RABGEF1: variants seen among roughly 807,000 people sequenced by gnomAD.
RABGEF1 encodes rab5 GDP/GTP exchange factor.
Under a neutral mutation model 57.3 loss-of-function variants are expected in RABGEF1, and 26 were observed. That is an observed-to-expected ratio of 0.45 (90% CI 0.33 to 0.63). The LOEUF is 0.63. Ranked by LOEUF, RABGEF1 falls within the 20% of genes least tolerant of loss-of-function variation. The probability of loss-of-function intolerance (pLI) is 0.02; values close to 1 mark genes in which losing one functional copy is unlikely to be tolerated. For missense variants in RABGEF1, 464 were observed against 607.6 expected (o/e 0.76, Z 2.48); for synonymous variants, 185 against 210.7 (o/e 0.88, Z 1.06).
At chr7:66,731,945 C>T (rs534486618) in intron 2 of RABGEF1, among the ~76,000 whole-genome samples, 5 of 152,314 alleles carry the variant, frequency 3.3e-5, no homozygotes, top group Admixed American at 2.0e-4. Context: ...TGTCTCCATC[C>T]ACTCCCCCCA....
At chr7:66,756,809 G>T (rs1326376176) in intron 1 of RABGEF1, among the ~76,000 whole-genome samples, 1 of 152,022 alleles carries the variant, frequency 6.6e-6, no homozygotes. Flanking sequence ...AATGTAGGGG[G>T]TGTCAGATTG....
Position 66,750,843 on chromosome 7 carries a change from C to T in RABGEF1, c.-18+10051C>T, listed in dbSNP as rs553126879. Reference sequence around the variant, plus strand: ...GATTTCAGTTTCATTCTTCAGCAGACGCTTTATGTGTATTTGGAGAAGAAT... The same window carrying T: ...GATTTCAGTTTCATTCTTCAGCAGATGCTTTATGTGTATTTGGAGAAGAAT... On this transcript the variant is annotated intron_variant, in intron 1 of 8. Transcript: ENST00000284957. Among the ~76,000 whole-genome samples the T allele has an allele frequency of 2.0e-4, 30 of 152,312 alleles. 1 individual carries two copies. The South Asian group carries it at 5.6e-3, about 28-fold the overall frequency.
upstream of RABGEF1, among the ~76,000 whole-genome samples, chr7:66,681,524 C>T (rs546275035): frequency 5.7e-4 from 87 of 152,000 alleles, no homozygotes; most frequent in East Asian, 3.1e-3. Flanking sequence ...TCAGCCTCCC[C>T]AGTAGTTGGG....
At chr7:66,686,935 C>T (rs1790733768) in intron 1 of RABGEF1, among the ~76,000 whole-genome samples, 2 of 151,594 alleles carry the variant, frequency 1.3e-5, no homozygotes, top group African/African-American at 4.8e-5. Context: ...CATTCTCCTG[C>T]CTCAGCCTCC....
At chr7:66,719,847 G>A (rs1795806193) in intron 2 of RABGEF1, among the ~76,000 whole-genome samples, 1 of 152,124 alleles carries the variant, frequency 6.6e-6, no homozygotes, top group African/African-American at 2.4e-5. Context: ...AGTAGTTATA[G>A]CAGAAGTTAT....
chr7:66,657,992 T>G, the RABGEF1 span, among the ~76,000 whole-genome samples: 41 of 152,054 alleles, frequency 2.7e-4, no homozygotes, highest in Non-Finnish European at 5.9e-4. Context: ...TAGATAAAAT[T>G]AAAAGTTTTT....
At chr7:66,674,955 A>G in the RABGEF1 span, among the ~76,000 whole-genome samples, 1 of 150,396 alleles carries the variant, frequency 6.6e-6, no homozygotes, top group Non-Finnish European at 1.5e-5. Flanking sequence ...ATAAAACTAT[A>G]TATATATATA....
chr7:66,807,377 G>A (rs770097920), intron 8 of RABGEF1, among the ~76,000 whole-genome samples: 1 of 152,134 alleles, frequency 6.6e-6, no homozygotes, highest in Non-Finnish European at 1.5e-5. Context: ...CCTTTGTTCT[G>A]CAACTTCTGT....
At chr7:66,674,795 A>T in the RABGEF1 span, among the ~76,000 whole-genome samples, 1 of 152,014 alleles carries the variant, frequency 6.6e-6, no homozygotes, top group Non-Finnish European at 1.5e-5. Context: ...TTGCTTCCGT[A>T]GGGATTAACT....
intron 3 of RABGEF1, among the ~76,000 whole-genome samples, chr7:66,782,493 G>A (rs535578525): frequency 5.9e-4 from 88 of 149,944 alleles, no homozygotes; most frequent in Middle Eastern, 3.5e-3. Context: ...AAGAGACAAG[G>A]TCTCATTCTT....
intron 1 of RABGEF1, among the ~76,000 whole-genome samples, chr7:66,698,319 T>G (rs1792674295): frequency 6.6e-6 from 1 of 152,122 alleles, no homozygotes. Context: ...CTCCTCCCTC[T>G]GATCAGAACC....
At chr7:66,751,223 G>T (rs1050059150) in intron 1 of RABGEF1, among the ~76,000 whole-genome samples, 1 of 152,052 alleles carries the variant, frequency 6.6e-6, no homozygotes, top group Non-Finnish European at 1.5e-5. Flanking sequence ...TAGAGACGGG[G>T]TTTCACCGTG....
chr7:66,726,665 C>CCCTGACCT (rs1392549091), intron 2 of RABGEF1, among the ~76,000 whole-genome samples: 1 of 152,084 alleles, frequency 6.6e-6, no homozygotes, highest in African/African-American at 2.4e-5. Flanking sequence ...CTGCACCCAG[C>CCCTGACCT]CCAAAAAGCA....
chr7:66,742,165 G>A (rs1799140936), intron 1 of RABGEF1, among the ~76,000 whole-genome samples: 7 of 140,322 alleles, frequency 5.0e-5, no homozygotes, highest in African/African-American at 1.8e-4. Flanking sequence ...AAAAAACTAA[G>A]AGTCTGTTCC....
chr7:66,722,168 A>ACTAC (rs1392875040), intron 2 of RABGEF1, among the ~76,000 whole-genome samples: 2 of 151,816 alleles, frequency 1.3e-5, no homozygotes, highest in Admixed American at 1.3e-4. Flanking sequence ...GGGGCTGGGT[A>ACTAC]CGGTGGCTCA....
At chr7:66,692,164 G>A (rs1016558623) in intron 1 of RABGEF1, among the ~76,000 whole-genome samples, 24 of 152,186 alleles carry the variant, frequency 1.6e-4, no homozygotes, top group African/African-American at 5.1e-4. Context: ...TAGCTCTACC[G>A]GCTGCCATAC....
At chr7:66,705,449 G>C (rs192382827) in intron 1 of RABGEF1, among the ~76,000 whole-genome samples, 1,052 of 93,540 alleles carry the variant, frequency 0.011, 24 homozygotes, top group Non-Finnish European at 0.013. Flanking sequence ...AAGAAAGAGA[G>C]AGAGAGAGAG....
At chr7:66,751,577 T>C (rs1375434674) in intron 1 of RABGEF1, among the ~76,000 whole-genome samples, 1 of 152,142 alleles carries the variant, frequency 6.6e-6, no homozygotes, top group South Asian at 2.1e-4. Flanking sequence ...GAGACTGAGC[T>C]GAGGGTTGAG....
At chr7:66,771,626 T>C (rs1004138464) in intron 1 of RABGEF1, among the ~76,000 whole-genome samples, 1 of 152,048 alleles carries the variant, frequency 6.6e-6, no homozygotes, top group African/African-American at 2.4e-5. Context: ...ATGTGAGTCC[T>C]TTCTTAATTT....
Sources: allele counts gnomAD v4.1 joint callset (sites outside exome capture counted in the v4.1 genomes callset), GRCh38; gene constraint gnomAD v4.1.1; transcripts MANE v1.5; gene names NCBI Gene and HGNC (gene_info 2026-07-23, HGNC 2026-07-21).